Variants in UTP20 observed in about 807,000 individuals in gnomAD.
UTP20 encodes small subunit processome component 20 homolog.
UTP20 carries 164 observed loss-of-function variants against 329.5 expected under a neutral mutation model. The ratio of observed to expected loss-of-function variants is 0.50; its 90% CI spans 0.44 to 0.57. The LOEUF is 0.57. UTP20 is among the 20% of genes least tolerant of loss of function. The pLI is 0.00. For synonymous variants in UTP20, 1,151 were observed against 1,159.3 expected, an observed-to-expected ratio of 0.99 and a Z score of 0.14; for missense variants, 3,055 against 3,284.2, an observed-to-expected ratio of 0.93 and a Z score of 1.71.
intron 44 of UTP20, 109 bp downstream of exon 44, chr12:101,362,169 G>A: frequency 1.3e-6 from 1 of 751,154 alleles, no homozygotes. Flanking sequence ...TGAAAATAAT[G>A]TAACACCTCA....
intron 17 of UTP20, among the ~76,000 whole-genome samples, chr12:101,307,834 G>A (rs1258280666): frequency 3.3e-5 from 5 of 152,192 alleles, no homozygotes; most frequent in Non-Finnish European, 5.9e-5. Context: ...ATATGTTTAT[G>A]TAGGGAAATA....
chr12:101,289,945 A>G (rs1872085020), intron 6 of UTP20, 192 bp from the exon 7 acceptor site: 6 of 359,020 alleles, frequency 1.7e-5, no homozygotes, highest in Non-Finnish European at 2.9e-5. Context: ...CAATGAATTC[A>G]CTCTTTTGTG....
At chr12:101,296,646 G>T (rs1254757515) in intron 12 of UTP20, among the ~76,000 whole-genome samples, 1 of 151,938 alleles carries the variant, frequency 6.6e-6, no homozygotes, top group Non-Finnish European at 1.5e-5. Context: ...TACTGAGGAG[G>T]CTGAGGCAGG....
At chr12:101,360,098 G>T (rs1358344714) in intron 43 of UTP20, among the ~76,000 whole-genome samples, 1 of 152,152 alleles carries the variant, frequency 6.6e-6, no homozygotes, top group Non-Finnish European at 1.5e-5. Context: ...TGTTCTTCAA[G>T]TCTATCCCAT....
intron 51 of UTP20, among the ~76,000 whole-genome samples, chr12:101,371,450 G>A (rs1870285072): frequency 6.6e-6 from 1 of 151,416 alleles, no homozygotes; most frequent in Non-Finnish European, 1.5e-5. Context: ...CTCAACACAG[G>A]TAAGTGAATT....
chr12:101,371,633 A>C (rs1270130120), intron 51 of UTP20, among the ~76,000 whole-genome samples: 1 of 144,232 alleles, frequency 6.9e-6, no homozygotes, highest in Non-Finnish European at 1.5e-5. Context: ...TCCCAGGTTC[A>C]AGTGATTCTC....
intron 29 of UTP20, among the ~76,000 whole-genome samples, chr12:101,334,923 T>C (rs1868884808): frequency 6.6e-6 from 1 of 151,182 alleles, no homozygotes. Context: ...CAATGAGCCA[T>C]GATCATGCCA....
Position 101,317,517 on chromosome 12 carries a change from C to T in UTP20, c.2592C>T (p.Thr864=). 1 of 1,614,054 alleles carries T rather than the reference C, an allele frequency of 6.2e-7. No individual in the cohort carries two copies. The highest frequency in any genetic ancestry group is 1.1e-5 in the South Asian group (1 of 91,064). ...CAGCAGATCTGCAAGTTGCTCCAAC[C>T]CAGGATCTACGGAGAAAAGGCAAAG... The part of the protein sequence containing the change: ...YYPADLQVAP[T]QDLRRKGKGM... Residue 864 remains threonine (T), a synonymous_variant, in exon 22 of 62, where the codon ACC becomes ACT. Transcript: ENST00000261637.
rs758002020 is a variant in UTP20 at position 101,305,903 on chromosome 12, A to T, written c.1782-12A>T. 1 of 1,586,784 alleles carries T rather than the reference A, an allele frequency of 6.3e-7. No homozygotes were observed. Among genetic ancestry groups the T allele is most frequent in the Admixed American group, 1.7e-5 (1 of 57,184 alleles). On this transcript the variant is annotated splice_polypyrimidine_tract_variant and intron_variant, in intron 15 of 61. Coordinates refer to ENST00000261637, the MANE Select transcript of UTP20 (RefSeq NM_014503.3). ...ATGGTACAGTTTGGGTCTAATGAAC[A>T]TCTCGTTGCAGAACCTTTCCCCTGG...
rs539396900 is a variant in UTP20, at chr12:101,321,583, G to A, written c.2995G>A (p.Val999Ile). Residue 999 changes from valine (V) to isoleucine (I), a missense_variant, in exon 25 of 62, where the codon GTA becomes ATA. By Grantham distance (29) the Val-to-Ile change is conservative. Coordinates refer to ENST00000261637, the MANE Select transcript of UTP20 (RefSeq NM_014503.3). Reference sequence around the variant, plus strand: ...TTTTAGCATTTCAGAAGATAATGCTGTAGTGAAAACAGCCCACCGAGCAGA... The same window carrying A: ...TTTTAGCATTTCAGAAGATAATGCTATAGTGAAAACAGCCCACCGAGCAGA... The part of the protein sequence containing the change: ...VHFSISEDNA[V>I]VKTAHRADLF... The A allele has an allele frequency of 5.0e-6, 8 of 1,613,642 alleles. No individual in the cohort carries two copies. Among genetic ancestry groups the A allele is most frequent in the Non-Finnish European group, 5.9e-6 (7 of 1,179,760 alleles).
rs752878609 is a variant in UTP20, at chr12:101,356,583, C to T, written c.5424C>T (p.Val1808=). 1 of 1,613,036 alleles carries T rather than the reference C, an allele frequency of 6.2e-7. No homozygotes were observed. The highest frequency in any genetic ancestry group is 1.1e-5 in the South Asian group (1 of 90,774). The change falls in exon 42 of 62, where the codon GTC becomes GTT. Residue 1808 remains valine, a synonymous_variant. Transcript: ENST00000261637. ...AAAGGGAAGAAGAACACAAGCTTGT[C>T]AAGTCAAAGGTTGTGAATGATGAGG... ...TTKREEEHKL[V]KSKVVNDEEV...
intron 8 of UTP20, 55 bp from the exon 9 acceptor site, chr12:101,291,687 A>G: frequency 6.7e-7 from 1 of 1,488,002 alleles, no homozygotes; most frequent in Non-Finnish European, 8.9e-7. Flanking sequence ...TTATTGTTGG[A>G]TTAACAGTTG....
intron 49 of UTP20, 121 bp from the exon 50 acceptor site, chr12:101,370,311 G>GC: frequency 8.1e-7 from 1 of 1,234,116 alleles, no homozygotes; most frequent in Non-Finnish European, 1.1e-6. Flanking sequence ...ATTTGCCAAG[G>GC]CTAGAGGGCT....
At chr12:101,331,769 G>C (rs981778520) in intron 27 of UTP20, among the ~76,000 whole-genome samples, 1 of 152,068 alleles carries the variant, frequency 6.6e-6, no homozygotes, top group Non-Finnish European at 1.5e-5. Context: ...GTGGCTTTTA[G>C]GTTTTAATGT....
chr12:101,283,584 G>T (rs561428606), intron 2 of UTP20, among the ~76,000 whole-genome samples: 3 of 152,178 alleles, frequency 2.0e-5, no homozygotes, highest in Non-Finnish European at 4.4e-5. Context: ...GCTGACATAC[G>T]CCAGGTCTGT....
In UTP20 at chr12:101,338,354, G is replaced by A. The variant is rs941863996; in HGVS notation, c.3868+77G>A. On this transcript the variant is annotated intron_variant, in intron 30 of 61. Transcript: ENST00000261637. ...TTTCCTTAGAAGAGAAAAAAAATCA[G>A]TATAATTTGACTCACTCGAGAGCAT... The A allele has an allele frequency of 1.4e-5, 21 of 1,482,866 alleles. No individual in the cohort carries two copies. The Admixed American group carries it at 3.6e-4, about 26-fold the overall frequency. 91.9% of individuals were successfully genotyped at this position (1,482,866 alleles called of 1,614,324 possible).
In UTP20 at chr12:101,369,768, G is replaced by A. The variant is rs756274964; in HGVS notation, c.6432G>A (p.Pro2144=). 36 of 1,607,142 alleles carry A rather than the reference G, an allele frequency of 2.2e-5. No individual in the cohort carries two copies. The highest frequency in any genetic ancestry group is 4.5e-5 in the East Asian group (2 of 44,854). The change falls in exon 49 of 62, where the codon CCG becomes CCA. Residue 2144 remains proline, a synonymous_variant. Transcript: ENST00000261637. ...LQCLIWVLRF[P]LPSIETKAEQ... is the part of the protein sequence containing the mutation. Reference sequence around the variant, plus strand: ...GCCTCATCTGGGTCTTGAGGTTCCCGCTACCTTCCATAGAAACAAAAGCAG... The same window carrying A: ...GCCTCATCTGGGTCTTGAGGTTCCCACTACCTTCCATAGAAACAAAAGCAG...
At chr12:101,370,654 T>A (rs1870255378) in intron 50 of UTP20, 91 bp downstream of exon 50, 1 of 1,327,064 alleles carries the variant, frequency 7.5e-7, no homozygotes, top group African/African-American at 1.5e-5. Context: ...TGACTAGTCA[T>A]AGACTTCTGA....
chr12:101,286,279 T>TA (rs746323338), intron 4 of UTP20, 42 bp from the exon 5 acceptor site: 6 of 1,511,870 alleles, frequency 4.0e-6, no homozygotes, highest in Middle Eastern at 3.6e-4. Flanking sequence ...TGTAGCCTTT[T>TA]AAAAAAATCC....
Sources: allele counts gnomAD v4.1 joint callset (sites outside exome capture counted in the v4.1 genomes callset), GRCh38; gene constraint gnomAD v4.1.1; transcripts MANE v1.5; gene names NCBI Gene and HGNC (gene_info 2026-07-23, HGNC 2026-07-21).